The following TRIP11 variants were observed in gnomAD, a reference collection of about 807,000 sequenced individuals.
TRIP11 encodes thyroid receptor-interacting protein 11.
In TRIP11, 148 loss-of-function variants were observed where a neutral mutation model predicts 223.1. That is an observed-to-expected ratio of 0.66 (90% CI 0.58 to 0.76). The LOEUF is 0.76. Ranked by LOEUF, TRIP11 falls within the 30% of genes least tolerant of loss-of-function variation. The pLI is 0.00. For synonymous variants in TRIP11, 762 were observed against 772.6 expected (o/e 0.99, Z 0.23); for missense variants, 2,043 against 2,222.0 (o/e 0.92, Z 1.62).
Position 92,004,184 on chromosome 14 carries a change from T to G in TRIP11, c.3792A>C (p.Gln1264His). 6.2e-7 allele frequency: 1 copy of G among 1,614,204 alleles called. No homozygotes were observed. Among genetic ancestry groups the G allele is most frequent in the Non-Finnish European group, 8.5e-7 (1 of 1,180,044 alleles). ...LVDSDNNSKL[Q>H]VDYTGLIQSY... ...TTTGGATCAGGCCAGTATAGTCCACTTGTAATTTAGAATTATTATCACTGT... is the reference window on the plus strand; with the variant it reads ...TTTGGATCAGGCCAGTATAGTCCACGTGTAATTTAGAATTATTATCACTGT... The change falls in exon 11 of 21, where the codon CAA (glutamine) becomes CAC (histidine). Residue 1264 changes from glutamine to histidine, a missense_variant. Gln to His is a conservative substitution (Grantham distance 24, BLOSUM62 0). Coordinates refer to ENST00000267622, the MANE Select transcript of TRIP11 (RefSeq NM_004239.4).
At chr14:91,975,326 C>T in intron 17 of TRIP11, 40 bp from the exon 18 acceptor site, 3 of 1,301,688 alleles carry the variant, frequency 2.3e-6, no homozygotes, top group Non-Finnish European at 3.3e-6. Flanking sequence ...GTGAACTCAA[C>T]ATTAAGTACA....
chr14:92,024,205 C>T lies in TRIP11; in HGVS notation c.312+1105G>A, dbSNP rs142531952. ...CCAGCCTGGCCAACGTGGTGAAACC[C>T]CATCTCTAATAAAAATTCAAAAATT... On this transcript the variant is annotated intron_variant, in intron 3 of 20. Transcript: ENST00000267622. Among the ~76,000 whole-genome samples, 703 of 152,082 alleles carry T rather than the reference C, an allele frequency of 4.6e-3. 11 individuals are homozygous for T. Among genetic ancestry groups the T allele is most frequent in the South Asian group, 0.036 (175 of 4,810 alleles).
rs1346953226 is a variant in TRIP11 at position 92,005,540 on chromosome 14, C to T, written c.2436G>A (p.Lys812=). The change falls in exon 11 of 21, where the codon AAG becomes AAA. Residue 812 remains lysine (K), a synonymous_variant. Coordinates refer to ENST00000267622, the MANE Select transcript of TRIP11 (RefSeq NM_004239.4). ...TAAGCTTTTCAATAAAAATTTCTTT[C>T]TTGTTTATAAGTTGTGTCAACTGCT... The part of the protein sequence containing the change: ...EQKQLTQLIN[K]KEIFIEKLKE... 6.2e-7 allele frequency: 1 copy of T among 1,611,058 alleles called. No homozygotes were observed. Among genetic ancestry groups the T allele is most frequent in the Non-Finnish European group, 8.5e-7 (1 of 1,179,476 alleles).
chr14:92,013,633 G>A (rs775683558), intron 7 of TRIP11, among the ~76,000 whole-genome samples: 2 of 152,044 alleles, frequency 1.3e-5, no homozygotes, highest in East Asian at 1.9e-4. Context: ...TGTCTTTTAA[G>A]CACATAAACT....
intron 2 of TRIP11, among the ~76,000 whole-genome samples, chr14:92,025,822 G>A (rs1271234100): frequency 6.6e-6 from 1 of 150,460 alleles, no homozygotes; most frequent in Non-Finnish European, 1.5e-5. Flanking sequence ...GGAGGTTGCA[G>A]TGAGCCGAGA....
At position 92,034,784 on chromosome 14, in the gene TRIP11, G is replaced by A. The variant is rs114812452; in HGVS notation, c.140-1531C>T. 6.8e-3 allele frequency among the ~76,000 whole-genome samples: 1,036 copies of A among 152,148 alleles called. 11 individuals are homozygous for A. Among genetic ancestry groups the A allele is most frequent in the African/African-American group, 0.023 (967 of 41,508 alleles). On this transcript the variant is annotated intron_variant, in intron 1 of 20. Transcript: ENST00000267622. Reference sequence around the variant, plus strand: ...AGTAGTTGGAACTACAGGCACATGCGACCACACCTACCTAATTTTTTTACT... The same window carrying A: ...AGTAGTTGGAACTACAGGCACATGCAACCACACCTACCTAATTTTTTTACT...
Position 92,005,884 on chromosome 14 carries a change from C to A in TRIP11, c.2092G>T (p.Ala698Ser). ...DVRHQLEECL[A>S]GNNQLSLEKN... ...TCCAGAGAAAGCTGATTGTTACCAGCAAGACATTCTTCTAACTGATGCCTC... is the reference window on the plus strand; with the variant it reads ...TCCAGAGAAAGCTGATTGTTACCAGAAAGACATTCTTCTAACTGATGCCTC... The change falls in exon 11 of 21, where the codon GCT (alanine) becomes TCT (serine). Residue 698 changes from alanine (A) to serine (S), a missense_variant. Ala to Ser is a moderately conservative substitution (Grantham distance 99, BLOSUM62 1). Transcript: ENST00000267622. 1.2e-6 allele frequency: 2 copies of A among 1,613,982 alleles called. No homozygotes were observed. Among genetic ancestry groups the A allele is most frequent in the Non-Finnish European group, 1.7e-6 (2 of 1,180,006 alleles).
intron 15 of TRIP11, among the ~76,000 whole-genome samples, 192 bp from the exon 16 acceptor site, chr14:91,988,575 T>TTTA (rs891524146): frequency 6.7e-6 from 1 of 148,412 alleles, no homozygotes; most frequent in Non-Finnish European, 1.5e-5. Context: ...TACTGCCTCA[T>TTTA]TTAGAGGAAC....
At chr14:91,982,043 G>A (rs1237078304) in intron 16 of TRIP11, among the ~76,000 whole-genome samples, 1 of 151,962 alleles carries the variant, frequency 6.6e-6, no homozygotes, top group Non-Finnish European at 1.5e-5. Context: ...TATTAATACA[G>A]TATAACTTCA....
intron 19 of TRIP11, among the ~76,000 whole-genome samples, 164 bp from the exon 20 acceptor site, chr14:91,973,025 CTT>C (rs142203489): frequency 2.4e-4 from 32 of 131,324 alleles, no homozygotes; most frequent in African/African-American, 5.6e-4. Context: ...AATACTGGCA[CTT>C]TTTTTTTTTT....
Position 91,969,341 on chromosome 14 carries a change from T to G in TRIP11, c.*332A>C. On this transcript the variant is annotated 3_prime_UTR_variant, in exon 21 of 21. Coordinates refer to ENST00000267622, the MANE Select transcript of TRIP11 (RefSeq NM_004239.4). The stretch of plus-strand genomic sequence containing the variant: ...ACCACAATCTCTAGCTTAAATGAGC[T>G]TGGAAATCACAAAAGGAAATAAAAA... 1 of 362,840 alleles carries G rather than the reference T, an allele frequency of 2.8e-6. No individual in the cohort carries two copies. The highest frequency in any genetic ancestry group is 4.5e-5 in the East Asian group (1 of 21,990). The allele number at this position is 362,840 out of a possible 1,614,324, so 22.5% of individuals were successfully genotyped here. A position where few individuals can be genotyped will look rare whatever the true frequency, so the allele number is the denominator to read the frequency against.
chr14:92,012,419 T>C (rs2056983809), intron 7 of TRIP11, among the ~76,000 whole-genome samples: 1 of 152,212 alleles, frequency 6.6e-6, no homozygotes, highest in South Asian at 2.1e-4. Flanking sequence ...GCCCTTGCTC[T>C]CGAAGAGCTT....
chr14:91,991,018 C>A (rs1215859503), intron 15 of TRIP11, among the ~76,000 whole-genome samples: 1 of 152,164 alleles, frequency 6.6e-6, no homozygotes, highest in African/African-American at 2.4e-5. Context: ...CAAATTAAAA[C>A]CACAGGAAGA....
rs935389655 is a variant in TRIP11, at chr14:91,973,215, G to C, written c.5575-354C>G. 2.0e-5 allele frequency among the ~76,000 whole-genome samples: 3 copies of C among 152,058 alleles called. No individual in the cohort carries two copies. The South Asian group carries it at 6.2e-4, about 32-fold the overall frequency. ...TAATTTTTGCATTTTTAGCAGAGAC[G>C]GGGTTTCACCATGTTGGTTAGGCTG... On this transcript the variant is annotated intron_variant, in intron 19 of 20. Transcript: ENST00000267622.
At position 92,003,814 on chromosome 14, in the gene TRIP11, G is replaced by T; in HGVS notation, c.4162C>A (p.His1388Asn). 6.2e-7 allele frequency: 1 copy of T among 1,614,080 alleles called. No individual in the cohort carries two copies. Among genetic ancestry groups the T allele is most frequent in the Non-Finnish European group, 8.5e-7 (1 of 1,180,020 alleles). The change falls in exon 11 of 21, where the codon CAC becomes AAC. Residue 1388 changes from histidine to asparagine, a missense_variant. Coordinates refer to ENST00000267622, the MANE Select transcript of TRIP11 (RefSeq NM_004239.4). The part of the protein sequence containing the change: ...AATSELERKE[H>N]EQTDSEIKQL... ...TTGATTTCTGAATCGGTTTGTTCGT[G>T]TTCTTTTCTTTCTAGCTCTGAGGTG...
chr14:92,004,350 T>C lies in TRIP11; in HGVS notation c.3626A>G (p.Gln1209Arg). The change falls in exon 11 of 21, where the codon CAG becomes CGG. Residue 1209 changes from glutamine to arginine, a missense_variant. Transcript: ENST00000267622. ...VNSNQFEELL[Q>R]ERDKLKQQVK... ...TTGCTGTTTTAACTTGTCACGTTCC[T>C]GTAGAAGCTCCTCAAATTGATTACT... 6.2e-7 allele frequency: 1 copy of C among 1,614,128 alleles called. No individual in the cohort carries two copies. Among genetic ancestry groups the C allele is most frequent in the South Asian group, 1.1e-5 (1 of 91,086 alleles).
intron 1 of TRIP11, 61 bp downstream of exon 1, chr14:92,039,486 G>A: frequency 3.8e-6 from 6 of 1,587,430 alleles, no homozygotes; most frequent in Non-Finnish European, 5.2e-6. Flanking sequence ...TGGAAGTAGG[G>A]ACCAAACGGA....
At chr14:91,980,264 A>AACATCTTAAAATGAATCATACT (rs1233679425) in intron 16 of TRIP11, among the ~76,000 whole-genome samples, 1 of 152,242 alleles carries the variant, frequency 6.6e-6, no homozygotes, top group African/African-American at 2.4e-5. Context: ...GCCTTCAGAG[A>AACATCTTAAAATGAATCATACT]ACATCTTAAA....
At chr14:92,026,577 A>G in intron 2 of TRIP11, 1 of 1,278,968 alleles carries the variant, frequency 7.8e-7, no homozygotes, top group Non-Finnish European at 1.1e-6. Context: ...TGTCAGACGC[A>G]GCCGTGGACA....
Sources: gnomAD v4.1 joint callset for allele counts (sites outside exome capture counted in the v4.1 genomes callset) on GRCh38, gnomAD v4.1.1 for gene constraint, MANE v1.5 for transcripts, NCBI Gene and HGNC (gene_info 2026-07-23, HGNC 2026-07-21) for gene names.